The following C5 variants were observed in gnomAD, a reference collection of about 807,000 sequenced individuals.
C5 encodes the protein C3 and PZP-like alpha-2-macroglobulin domain-containing protein 4.
C5 carries 140 observed loss-of-function variants against 218.8 expected under a neutral mutation model. The ratio of observed to expected loss-of-function variants is 0.64; its 90% CI spans 0.56 to 0.74. The LOEUF (loss-of-function observed/expected upper bound fraction) is 0.74. C5 is among the 30% of genes least tolerant of loss of function. C5 has a pLI of 0.00. For missense variants in C5, 1,700 were observed against 1,969.6 expected, an observed-to-expected ratio of 0.86 and a Z score of 2.59; for synonymous variants, 614 against 682.3, an observed-to-expected ratio of 0.90 and a Z score of 1.56.
chr9:120,983,191 T>C (rs1165249176), intron 25 of C5, among the ~76,000 whole-genome samples: 12 of 152,200 alleles, frequency 7.9e-5, no homozygotes, highest in Admixed American at 7.9e-4. Flanking sequence ...TTGTAAAATT[T>C]GTGCATTCCA....
Position 121,017,440 on chromosome 9 carries a change from C to A in C5, c.1788G>T (p.Met596Ile), listed in dbSNP as rs776418265. ...QTVSLNMATG[M>I]DSWVALAAVD... ...CTGCTGCTAATGCCACCCAGGAATC[C>A]ATTCCAGTTGCCATATTAAGAGACA... The change falls in exon 14 of 41, where the codon ATG (methionine) becomes ATT (isoleucine). Residue 596 changes from methionine to isoleucine, a missense_variant. Transcript: ENST00000223642. 44 of 1,614,016 alleles carry A rather than the reference C, an allele frequency of 2.7e-5. No homozygotes were observed. Among genetic ancestry groups the A allele is most frequent in the Non-Finnish European group, 3.6e-5 (43 of 1,179,962 alleles).
intron 21 of C5, among the ~76,000 whole-genome samples, chr9:120,996,693 C>A (rs913073317): frequency 1.3e-5 from 2 of 152,220 alleles, no homozygotes; most frequent in Admixed American, 6.5e-5. Flanking sequence ...CAAGGCCCAG[C>A]AGCCTCGCTC....
chr9:120,969,069 T>G lies in C5; in HGVS notation c.4212A>C (p.Ala1404=). The G allele has an allele frequency of 6.2e-7, 1 of 1,613,826 alleles. No homozygotes were observed. Among genetic ancestry groups the G allele is most frequent in the Non-Finnish European group, 8.5e-7 (1 of 1,179,692 alleles). The change falls in exon 33 of 41, where the codon GCA becomes GCC. Residue 1404 remains alanine, a synonymous_variant. Coordinates refer to ENST00000223642, the MANE Select transcript of C5 (RefSeq NM_001735.3). ...TGTGGAAATAGGCTCACCTGGCACA[T>G]GCTACTATGCGTTTGTAATCAGAGT... ...YGNSDYKRIV[A]CASYKPSREE...
At chr9:121,043,700 C>CA (rs1554725965) in intron 2 of C5, among the ~76,000 whole-genome samples, 1 of 120,662 alleles carries the variant, frequency 8.3e-6, no homozygotes, top group Non-Finnish European at 1.7e-5. Flanking sequence ...GTCCAGCTAA[C>CA]TTTTTTTTTT....
intron 1 of C5, among the ~76,000 whole-genome samples, chr9:121,048,559 C>T (rs2047647497): frequency 6.6e-6 from 1 of 152,196 alleles, no homozygotes; most frequent in South Asian, 2.1e-4. Context: ...AAAACCTGTC[C>T]CTAGTGCCAA....
intron 39 of C5, among the ~76,000 whole-genome samples, chr9:120,954,462 C>G (rs2046770545): frequency 6.6e-6 from 1 of 152,196 alleles, no homozygotes; most frequent in African/African-American, 2.4e-5. Flanking sequence ...CCATGTTGGC[C>G]TCTTGAATTT....
intron 10 of C5, among the ~76,000 whole-genome samples, chr9:121,021,898 G>A (rs1321148767): frequency 6.6e-6 from 1 of 151,684 alleles, no homozygotes; most frequent in African/African-American, 2.4e-5. Flanking sequence ...ATAGCGCACT[G>A]CAACCTTGAA....
chr9:121,021,605 A>C lies in C5; in HGVS notation c.1206T>G (p.Ser402=). The C allele has an allele frequency of 6.2e-7, 1 of 1,613,820 alleles. No homozygotes were observed. The part of the protein sequence containing the change: ...AQTIDVNQET[S]DLDPSKSVTR... ...TTACACTTTTGCTTGGATCCAAGTC[A>C]GATGTCTCTTGGTTTACATCAATTG... Residue 402 remains serine, a synonymous_variant, in exon 11 of 41, where the codon TCT becomes TCG. Transcript: ENST00000223642.
chr9:121,028,976 C>T (rs866877731), intron 7 of C5, among the ~76,000 whole-genome samples: 18 of 152,104 alleles, frequency 1.2e-4, no homozygotes, highest in Admixed American at 1.3e-4. Flanking sequence ...CTCCTATATG[C>T]CAAATTACTT....
At chr9:121,061,045 G>C in the C5 span, among the ~76,000 whole-genome samples, 1 of 152,104 alleles carries the variant, frequency 6.6e-6, no homozygotes, top group East Asian at 1.9e-4. Context: ...AAAATTAGCT[G>C]GGTGTGGTGG....
At chr9:121,018,780 A>C (rs1269513292) in intron 12 of C5, among the ~76,000 whole-genome samples, 1 of 151,652 alleles carries the variant, frequency 6.6e-6, no homozygotes, top group African/African-American at 2.4e-5. Context: ...GAAGGAAGGA[A>C]GGAAGGAAGG....
the C5 span, among the ~76,000 whole-genome samples, chr9:121,062,756 CA>C: frequency 3.3e-5 from 5 of 152,190 alleles, no homozygotes; most frequent in Non-Finnish European, 7.3e-5. Flanking sequence ...TTTTGGTTGA[CA>C]GTCTTTTTCT....
intron 21 of C5, 120 bp from the exon 22 acceptor site, chr9:120,996,420 A>C: frequency 1.2e-6 from 1 of 833,962 alleles, no homozygotes; most frequent in Non-Finnish European, 2.1e-6. Context: ...GAAAAGGCAA[A>C]CTATGTATAA....
chr9:121,011,991 G>T (rs2047265862), intron 17 of C5, among the ~76,000 whole-genome samples: 1 of 152,148 alleles, frequency 6.6e-6, no homozygotes, highest in Non-Finnish European at 1.5e-5. Context: ...TGAGGGGGAT[G>T]TGGGGATGGT....
At chr9:121,048,039 T>C (rs1019468060) in intron 1 of C5, among the ~76,000 whole-genome samples, 2 of 152,170 alleles carry the variant, frequency 1.3e-5, no homozygotes, top group Non-Finnish European at 2.9e-5. Flanking sequence ...GATTTATGAA[T>C]TCTATAATTC....
At chr9:121,071,461 G>A in the C5 span, among the ~76,000 whole-genome samples, 1 of 152,130 alleles carries the variant, frequency 6.6e-6, no homozygotes, top group Non-Finnish European at 1.5e-5. Context: ...GAGGTGGGAG[G>A]ATCGCTTGAG....
At chr9:120,975,626 C>A (rs2046947602) in intron 29 of C5, among the ~76,000 whole-genome samples, 1 of 152,132 alleles carries the variant, frequency 6.6e-6, no homozygotes, top group Non-Finnish European at 1.5e-5. Flanking sequence ...TGAGTTTATA[C>A]TCCACTCCCA....
chr9:120,983,799 TAA>T (rs111933422), intron 25 of C5, among the ~76,000 whole-genome samples: 4 of 145,504 alleles, frequency 2.7e-5, no homozygotes, highest in Non-Finnish European at 3.0e-5. Flanking sequence ...TGAGAGAACT[TAA>T]AAAAAAAAAA....
At chr9:120,955,782 G>A (rs1338694067) in intron 39 of C5, among the ~76,000 whole-genome samples, 1 of 152,048 alleles carries the variant, frequency 6.6e-6, no homozygotes, top group African/African-American at 2.4e-5. Flanking sequence ...CTAGGGTATG[G>A]TTAGTAATAA....
Sources: allele counts gnomAD v4.1 joint callset (sites outside exome capture counted in the v4.1 genomes callset), GRCh38; gene constraint gnomAD v4.1.1; transcripts MANE v1.5; gene names NCBI Gene and HGNC (gene_info 2026-07-23, HGNC 2026-07-21).